The following ARL15 variants were observed in gnomAD, a reference collection of about 807,000 sequenced individuals.
ARL15 encodes the protein ADP-ribosylation factor-like protein 15.
A neutral mutation model predicts 25.2 loss-of-function variants in ARL15; 19 were observed. The observed-to-expected ratio is 0.75, with a 90% CI of 0.53 to 1.10. The LOEUF is 1.10. Ranked by LOEUF, ARL15 falls within the 50% of genes least tolerant of loss-of-function variation. The probability of loss-of-function intolerance (pLI) is 0.00; values close to 1 mark genes in which losing one functional copy is unlikely to be tolerated. For missense variants in ARL15, 220 were observed against 246.0 expected (o/e 0.89, Z 0.71); for synonymous variants, 94 against 86.8 (o/e 1.08, Z -0.46).
chr5:53,992,883 C>G (rs1243024175), intron 4 of ARL15, among the ~76,000 whole-genome samples: 1 of 152,004 alleles, frequency 6.6e-6, no homozygotes, highest in African/African-American at 2.4e-5. Context: ...CCTGTCTCTA[C>G]TAAAAATATA....
At chr5:54,308,734 G>A (rs1314550631) in intron 1 of ARL15, among the ~76,000 whole-genome samples, 2 of 152,164 alleles carry the variant, frequency 1.3e-5, no homozygotes, top group African/African-American at 4.8e-5. Context: ...TATCAATTTT[G>A]TTTTCACTAA....
At chr5:54,029,305 TTACCACCACCACCACCACCACCACCAC>T (rs879345961) in intron 4 of ARL15, among the ~76,000 whole-genome samples, 7,188 of 135,988 alleles carry the variant, frequency 0.053, 221 homozygotes, top group Middle Eastern at 0.08. Flanking sequence ...ATAAAAACAG[TTACCACCACCACCACCACCACCACCAC>T]TACCACCACC....
chr5:53,907,953 T>C (rs551187361), intron 4 of ARL15, among the ~76,000 whole-genome samples: 1 of 152,268 alleles, frequency 6.6e-6, no homozygotes, highest in African/African-American at 2.4e-5. Context: ...AGCAGTCCTA[T>C]TTTTTCAACA....
intron 4 of ARL15, among the ~76,000 whole-genome samples, chr5:53,979,952 G>T (rs1019719078): frequency 6.6e-6 from 1 of 151,768 alleles, no homozygotes; most frequent in Non-Finnish European, 1.5e-5. Flanking sequence ...TAATCCACCT[G>T]ACTTGGCCTC....
intron 4 of ARL15, among the ~76,000 whole-genome samples, chr5:53,910,075 G>C (rs1348300200): frequency 6.6e-6 from 1 of 152,138 alleles, no homozygotes; most frequent in Non-Finnish European, 1.5e-5. Context: ...AACCTTTCAG[G>C]CAGGCCAGAA....
At position 54,258,693 on chromosome 5, in the gene ARL15, G is replaced by C. The variant is rs191124524; in HGVS notation, c.48+51739C>G. 1.5e-3 allele frequency among the ~76,000 whole-genome samples: 230 copies of C among 152,264 alleles called. 1 individual carries two copies. Among genetic ancestry groups the C allele is most frequent in the Non-Finnish European group, 4.9e-4 (33 of 68,030 alleles). On this transcript the variant is annotated intron_variant, in intron 1 of 4. Transcript: ENST00000504924. ...TCAACATCCTCTGGAGTAATGGAAA[G>C]CCACCAGATCAGAAGGGGAATGGAA...
At chr5:54,273,047 T>C (rs753947810) in intron 1 of ARL15, among the ~76,000 whole-genome samples, 2 of 152,060 alleles carry the variant, frequency 1.3e-5, no homozygotes, top group Admixed American at 6.5e-5. Context: ...GAGAGGAAAA[T>C]TCTAAGGTTC....
intron 4 of ARL15, among the ~76,000 whole-genome samples, chr5:54,081,937 C>G (rs1433618129): frequency 6.9e-6 from 1 of 144,324 alleles, no homozygotes; most frequent in African/African-American, 2.5e-5. Flanking sequence ...ACTAAAAATA[C>G]AAAATTAGCC....
intron 4 of ARL15, among the ~76,000 whole-genome samples, chr5:54,092,070 A>ACACACACACACACACACACCAC (rs746618758): frequency 6.6e-6 from 1 of 151,460 alleles, no homozygotes; most frequent in South Asian, 2.1e-4. Context: ...ACACACACAC[A>ACACACACACACACACACACCAC]CACCACCACC....
intron 4 of ARL15, among the ~76,000 whole-genome samples, chr5:53,969,469 TA>T (rs1405406808): frequency 6.6e-6 from 1 of 152,158 alleles, no homozygotes; most frequent in Non-Finnish European, 1.5e-5. Context: ...TCTCAAAAAT[TA>T]AAAACATGTG....
At chr5:53,962,454 GT>G (rs1406848465) in intron 4 of ARL15, among the ~76,000 whole-genome samples, 1 of 152,090 alleles carries the variant, frequency 6.6e-6, no homozygotes, top group African/African-American at 2.4e-5. Context: ...GATCCTGGGA[GT>G]TGGAAGCCAG....
intron 1 of ARL15, among the ~76,000 whole-genome samples, chr5:54,242,189 T>TA (rs1561280361): frequency 2.6e-5 from 4 of 151,802 alleles, no homozygotes; most frequent in African/African-American, 9.7e-5. Flanking sequence ...ACACACACAA[T>TA]TAAGTTATAA....
chr5:54,186,625 T>A (rs1755248506), intron 1 of ARL15, among the ~76,000 whole-genome samples: 1 of 152,226 alleles, frequency 6.6e-6, no homozygotes, highest in African/African-American at 2.4e-5. Flanking sequence ...AAAAAAAATT[T>A]TCCTTCAAGA....
intron 1 of ARL15, among the ~76,000 whole-genome samples, chr5:54,287,209 T>C (rs1758203694): frequency 6.6e-6 from 1 of 152,086 alleles, no homozygotes; most frequent in South Asian, 2.1e-4. Flanking sequence ...CAAGCACTTC[T>C]AGGTAAGTGT....
intron 1 of ARL15, among the ~76,000 whole-genome samples, chr5:54,217,398 C>T (rs1044830419): frequency 6.6e-6 from 1 of 151,952 alleles, no homozygotes; most frequent in African/African-American, 2.4e-5. Context: ...TTATTATAAT[C>T]TGAATCACAA....
At chr5:54,230,481 A>T (rs192609392) in intron 1 of ARL15, among the ~76,000 whole-genome samples, 69 of 152,282 alleles carry the variant, frequency 4.5e-4, no homozygotes, top group Middle Eastern at 3.4e-3. Flanking sequence ...AAAGACATGC[A>T]CCCAGATGCC....
chr5:54,223,154 G>GA (rs1413722760), intron 1 of ARL15, among the ~76,000 whole-genome samples: 3 of 151,750 alleles, frequency 2.0e-5, no homozygotes, highest in Non-Finnish European at 2.9e-5. Flanking sequence ...AGTGACCATG[G>GA]AAGGGTAAAT....
At chr5:54,299,813 T>C (rs1040619188) in intron 1 of ARL15, among the ~76,000 whole-genome samples, 2 of 152,068 alleles carry the variant, frequency 1.3e-5, no homozygotes, top group African/African-American at 4.8e-5. Flanking sequence ...GGTCTGGATC[T>C]CCTGATCTCG....
intron 4 of ARL15, among the ~76,000 whole-genome samples, chr5:53,948,670 A>G (rs898203373): frequency 2.0e-5 from 3 of 152,242 alleles, no homozygotes; most frequent in Non-Finnish European, 4.4e-5. Context: ...TTATTAAAAG[A>G]ACAATTAAGA....
Sources: allele counts gnomAD v4.1 joint callset (sites outside exome capture counted in the v4.1 genomes callset), GRCh38; gene constraint gnomAD v4.1.1; transcripts MANE v1.5; gene names NCBI Gene and HGNC (gene_info 2026-07-23, HGNC 2026-07-21).